The following RRAS2 variants were observed in gnomAD, a reference collection of about 807,000 sequenced individuals.
RRAS2 encodes RAS related 2.
RRAS2 carries 7 observed loss-of-function variants against 27.6 expected under a neutral mutation model. That is an observed-to-expected ratio of 0.25 (90% CI 0.14 to 0.48). The LOEUF is 0.48. Among genes scored for constraint, RRAS2 ranks in the 20% least tolerant of loss-of-function variants. RRAS2 has a pLI of 0.99. For missense variants in RRAS2, 178 were observed against 256.2 expected, an observed-to-expected ratio of 0.69 and a Z score of 2.08; for synonymous variants, 86 against 90.9, an observed-to-expected ratio of 0.95 and a Z score of 0.31.
In RRAS2 at chr11:14,295,906, G is replaced by A. The variant is rs550633773; in HGVS notation, c.109-51C>T. On this transcript the variant is annotated intron_variant, in intron 1 of 5. Transcript: ENST00000256196. The stretch of plus-strand genomic sequence containing the variant: ...TTAAAATTCATGGCCAGGCATGGTA[G>A]CTCACACCTGTAATCCTATGCTCTG... 7.5e-5 allele frequency: 115 copies of A among 1,525,770 alleles called. No individual in the cohort carries two copies. In the South Asian group the frequency reaches 8.4e-4, roughly 11 times the overall value. 94.5% of individuals were successfully genotyped at this position (1,525,770 alleles called of 1,614,324 possible). A position where few individuals can be genotyped will look rare whatever the true frequency, so the allele number is the denominator to read the frequency against.
intron 1 of RRAS2, among the ~76,000 whole-genome samples, chr11:14,313,427 C>T (rs1554949114): frequency 1.3e-5 from 2 of 152,206 alleles, no homozygotes; most frequent in African/African-American, 2.4e-5. Flanking sequence ...TGCTTATTTG[C>T]AAATGCAGGA....
At chr11:14,355,636 G>A (rs1346087653) in intron 1 of RRAS2, among the ~76,000 whole-genome samples, 1 of 152,140 alleles carries the variant, frequency 6.6e-6, no homozygotes, top group Non-Finnish European at 1.5e-5. Context: ...AAGAAAGTTA[G>A]GGTAAAAGGC....
chr11:14,303,852 C>T (rs1847770213), intron 1 of RRAS2, among the ~76,000 whole-genome samples: 1 of 152,120 alleles, frequency 6.6e-6, no homozygotes. Flanking sequence ...CAAAAGGCCA[C>T]ACCAATTAAG....
At chr11:14,301,321 T>C (rs1211045236) in intron 1 of RRAS2, among the ~76,000 whole-genome samples, 1 of 152,202 alleles carries the variant, frequency 6.6e-6, no homozygotes, top group East Asian at 1.9e-4. Flanking sequence ...GATCCTTTTT[T>C]AACCCTGAGC....
intron 1 of RRAS2, among the ~76,000 whole-genome samples, chr11:14,308,746 G>A (rs1332577201): frequency 6.6e-6 from 1 of 152,140 alleles, no homozygotes; most frequent in African/African-American, 2.4e-5. Context: ...GGAGTAAAAC[G>A]TGAACATTTT....
intron 1 of RRAS2, among the ~76,000 whole-genome samples, chr11:14,347,536 T>C (rs983097948): frequency 1.3e-5 from 2 of 152,140 alleles, no homozygotes; most frequent in Non-Finnish European, 2.9e-5. Context: ...TAAATCATTT[T>C]ATACAGGGAC....
intron 1 of RRAS2, among the ~76,000 whole-genome samples, chr11:14,327,917 G>C (rs1439523103): frequency 2.6e-5 from 4 of 152,164 alleles, no homozygotes; most frequent in African/African-American, 7.2e-5. Context: ...ACATAGGAAA[G>C]CATGGAGGAA....
At chr11:14,349,250 C>CA (rs1177669701) in intron 1 of RRAS2, among the ~76,000 whole-genome samples, 6 of 152,054 alleles carry the variant, frequency 3.9e-5, no homozygotes, top group African/African-American at 1.4e-4. Context: ...CTCCCAGGTT[C>CA]ACACCATTCT....
At chr11:14,297,636 C>T (rs1847586425) in intron 1 of RRAS2, among the ~76,000 whole-genome samples, 1 of 151,880 alleles carries the variant, frequency 6.6e-6, no homozygotes. Flanking sequence ...GTGGTGTACA[C>T]CTGTAGTCCT....
chr11:14,346,236 T>G (rs1848826486), intron 1 of RRAS2, among the ~76,000 whole-genome samples: 1 of 152,162 alleles, frequency 6.6e-6, no homozygotes, highest in Non-Finnish European at 1.5e-5. Context: ...CTTAAAACAA[T>G]GTACTATAAA....
intron 1 of RRAS2, among the ~76,000 whole-genome samples, chr11:14,342,584 C>A (rs1554953414): frequency 1.3e-5 from 2 of 152,088 alleles, no homozygotes; most frequent in African/African-American, 4.8e-5. Flanking sequence ...ACCAACCAAC[C>A]AGCTTATCAA....
chr11:14,360,964 G>T (rs942271191), upstream of RRAS2, among the ~76,000 whole-genome samples: 1 of 150,240 alleles, frequency 6.7e-6, no homozygotes, highest in Non-Finnish European at 1.5e-5. Flanking sequence ...CATCACTCCC[G>T]GCCCTTCTTG....
chr11:14,358,953 C>T lies in RRAS2; in HGVS notation c.-83G>A. 8.6e-7 allele frequency: 1 copy of T among 1,166,546 alleles called. No homozygotes were observed. Among genetic ancestry groups the T allele is most frequent in the Non-Finnish European group, 1.1e-6 (1 of 946,986 alleles). The allele number at this position is 1,166,546 out of a possible 1,614,324, so 72.3% of individuals were successfully genotyped here. The stretch of plus-strand genomic sequence containing the variant: ...GCCCGGCTCCGGGGACGTGTGCGGC[C>T]GGCGGGCTGCGGGCGAGCGGCCGGG... On this transcript the variant is annotated 5_prime_UTR_variant, in exon 1 of 6. Coordinates refer to ENST00000256196, the MANE Select transcript of RRAS2 (RefSeq NM_012250.6). The surrounding 1 kb of genome is among the most constrained non-coding windows in gnomAD (Gnocchi z 5.1).
At chr11:14,354,974 G>C (rs1849042399) in intron 1 of RRAS2, among the ~76,000 whole-genome samples, 1 of 152,024 alleles carries the variant, frequency 6.6e-6, no homozygotes, top group Non-Finnish European at 1.5e-5. Flanking sequence ...ACCACGCCCA[G>C]CCAACAATTC....
intron 1 of RRAS2, among the ~76,000 whole-genome samples, chr11:14,302,856 G>A (rs571204940): frequency 1.3e-5 from 2 of 152,248 alleles, no homozygotes; most frequent in African/African-American, 2.4e-5. Flanking sequence ...AAATAGACCC[G>A]GACACAGTTC....
At chr11:14,310,635 C>A (rs1232490100) in intron 1 of RRAS2, among the ~76,000 whole-genome samples, 1 of 151,968 alleles carries the variant, frequency 6.6e-6, no homozygotes, top group Non-Finnish European at 1.5e-5. Context: ...TCTCTCTCTA[C>A]AGATAAGGAA....
intron 1 of RRAS2, among the ~76,000 whole-genome samples, chr11:14,329,001 GTGTGTGTGTGTATATA>G (rs1285623544): frequency 1.8e-5 from 1 of 55,314 alleles, no homozygotes; most frequent in Non-Finnish European, 4.6e-5. Context: ...GTGTGTGTGT[GTGTGTGTGTGTATATA>G]TATATATATA....
At chr11:14,351,421 T>C (rs981630221) in intron 1 of RRAS2, among the ~76,000 whole-genome samples, 2 of 152,286 alleles carry the variant, frequency 1.3e-5, no homozygotes, top group East Asian at 3.9e-4. Context: ...TAGGTTAGTA[T>C]ATTTTATTCA....
At position 14,299,205 on chromosome 11, in the gene RRAS2, C is replaced by A. The variant is rs192420911; in HGVS notation, c.109-3350G>T. Among the ~76,000 whole-genome samples, 10 of 152,280 alleles carry A rather than the reference C, an allele frequency of 6.6e-5. No homozygotes were observed. The East Asian group carries it at 7.7e-4, about 12-fold the overall frequency. On this transcript the variant is annotated intron_variant, in intron 1 of 5. Transcript: ENST00000256196. ...AAATGGTCTGAATTAGTGTTTTTTA[C>A]TCAAGTATAAAGATTTGCTAAGCTC...
Sources: gnomAD v4.1 joint callset for allele counts (sites outside exome capture counted in the v4.1 genomes callset) on GRCh38, gnomAD v4.1.1 for gene constraint, Gnocchi (gnomAD v3.1) non-coding constraint, MANE v1.5 for transcripts, NCBI Gene and HGNC (gene_info 2026-07-23, HGNC 2026-07-21) for gene names.